The following PCDHA5 variants were observed in gnomAD, a reference collection of about 807,000 sequenced individuals.
PCDHA5 encodes the protein protocadherin alpha-5.
Under a neutral mutation model 61.6 loss-of-function variants are expected in PCDHA5, and 43 were observed. The observed-to-expected ratio is 0.70, with a 90% CI of 0.55 to 0.90. The LOEUF (loss-of-function observed/expected upper bound fraction) is 0.90, where lower values mean the gene tolerates loss of function less well. Ranked by LOEUF, PCDHA5 falls within the 40% of genes least tolerant of loss-of-function variation. The pLI is 0.00. For synonymous variants in PCDHA5, 627 were observed against 543.9 expected (o/e 1.15, Z -2.13); for missense variants, 1,298 against 1,222.7 (o/e 1.06, Z -0.92).
chr5:140,833,751 A>AAC (rs2150210782), intron 1 of PCDHA5, among the ~76,000 whole-genome samples: 78,872 of 151,236 alleles, frequency 0.52, 20,702 homozygotes, highest in Middle Eastern at 0.64. Flanking sequence ...CTAAAAAGAA[A>AAC]ACACACACAC....
chr5:140,876,837 C>G (rs782753877), intron 1 of PCDHA5: 3 of 1,614,148 alleles, frequency 1.9e-6, no homozygotes, highest in African/African-American at 1.3e-5. Context: ...CGCCTGCGTT[C>G]GCGCAGCCCG....
intron 1 of PCDHA5, chr5:140,825,399 ATTATATATT>A (rs1370061180): frequency 4.1e-5 from 6 of 145,886 alleles, no homozygotes; most frequent in African/African-American, 1.5e-4. Flanking sequence ...TATCTAATAT[ATTATATATT>A]TTATATAATA....
intron 1 of PCDHA5, among the ~76,000 whole-genome samples, chr5:140,945,397 A>G (rs2093784345): frequency 6.6e-6 from 1 of 152,132 alleles, no homozygotes; most frequent in Admixed American, 6.5e-5. Context: ...TACAAATTCA[A>G]TACAATTCGT....
chr5:140,968,312 C>A, intron 1 of PCDHA5: 2 of 1,613,960 alleles, frequency 1.2e-6, no homozygotes, highest in Non-Finnish European at 1.7e-6. Context: ...GATTCAAGGG[C>A]TGCCAGTCAC....
intron 1 of PCDHA5, chr5:140,829,932 C>T (rs2150178054): frequency 4.3e-6 from 7 of 1,613,980 alleles, no homozygotes; most frequent in East Asian, 4.5e-5. Context: ...CTGCAGCCCC[C>T]GGCAAGCAGC....
intron 1 of PCDHA5, chr5:140,857,725 C>T: frequency 6.3e-7 from 1 of 1,597,502 alleles, no homozygotes; most frequent in Non-Finnish European, 8.6e-7. Context: ...ACGAGAACGA[C>T]AACGCTCCCG....
chr5:141,009,315 C>G (rs1292643535), intron 3 of PCDHA5, among the ~76,000 whole-genome samples: 2 of 152,132 alleles, frequency 1.3e-5, no homozygotes, highest in Admixed American at 6.6e-5. Context: ...AAAAGCTAGC[C>G]TGGCATGGGA....
intron 1 of PCDHA5, among the ~76,000 whole-genome samples, chr5:140,933,223 A>G (rs1005553040): frequency 1.3e-5 from 2 of 152,018 alleles, no homozygotes; most frequent in African/African-American, 4.8e-5. Context: ...GTTATATTGC[A>G]TTTATGAAAA....
At chr5:141,004,698 T>C (rs2098177351) in intron 3 of PCDHA5, among the ~76,000 whole-genome samples, 1 of 152,222 alleles carries the variant, frequency 6.6e-6, no homozygotes, top group East Asian at 1.9e-4. Context: ...AACCCAGTTT[T>C]AGGTGCCGAA....
At position 140,848,680 on chromosome 5, in the gene PCDHA5, G is replaced by T. The variant is rs2150417098; in HGVS notation, c.2352+24553G>T. ...CTGGAGCTGGCGGAGCTGGTGCCGC[G>T]CCTGTTCCAGTTGGATTCCAAAGGC... On this transcript the variant is annotated intron_variant, in intron 1 of 3. Transcript: ENST00000529859. 4.4e-5 allele frequency: 70 copies of T among 1,592,250 alleles called. 5 individuals are homozygous for T. The highest frequency in any genetic ancestry group is 3.9e-4 in the Admixed American group (23 of 59,170).
In PCDHA5 at chr5:140,946,631, T is replaced by TATATATATATATATATATATAC. The variant is rs57893927; in HGVS notation, c.2353-32317_2353-32316insTATATATATATATATATATACA. 3.0e-3 allele frequency among the ~76,000 whole-genome samples: 389 copies of TATATATATATATATATATATAC among 131,774 alleles called. 27 individuals are homozygous for TATATATATATATATATATATAC. The highest frequency in any genetic ancestry group is 0.013 in the African/African-American group (369 of 28,648). 86.4% of individuals were successfully genotyped at this position (131,774 alleles called of 152,430 possible). A position where few individuals can be genotyped will look rare whatever the true frequency, so the allele number is the denominator to read the frequency against. ...TGTGAAATATATATATATATATATA[T>TATATATATATATATATATATAC]ACAATGGAATACTCATCAGCCATTA... On this transcript the variant is annotated intron_variant, in intron 1 of 3. Coordinates refer to ENST00000529859, the MANE Select transcript of PCDHA5 (RefSeq NM_018908.3).
At chr5:140,844,316 A>C (rs1554140608) in intron 1 of PCDHA5, among the ~76,000 whole-genome samples, 1 of 149,428 alleles carries the variant, frequency 6.7e-6, no homozygotes, top group Non-Finnish European at 1.5e-5. Flanking sequence ...ATTCTTCCTA[A>C]TTTTATTATA....
In PCDHA5 at chr5:140,969,225, C is replaced by T. The variant is rs782766938; in HGVS notation, c.2353-9724C>T. 22 of 1,614,118 alleles carry T rather than the reference C, an allele frequency of 1.4e-5. No homozygotes were observed. Among genetic ancestry groups the T allele is most frequent in the East Asian group, 1.3e-4 (6 of 44,872 alleles). Reference sequence around the variant, plus strand: ...GGGGCCCAGACAGGACCAGGGCCTTCGGGAGCCCAAGCAGCAGTGACTGAC... The same window carrying T: ...GGGGCCCAGACAGGACCAGGGCCTTTGGGAGCCCAAGCAGCAGTGACTGAC... On this transcript the variant is annotated intron_variant, in intron 1 of 3. Coordinates refer to ENST00000529859, the MANE Select transcript of PCDHA5 (RefSeq NM_018908.3).
intron 1 of PCDHA5, among the ~76,000 whole-genome samples, chr5:140,972,578 C>A (rs1554234223): frequency 6.6e-6 from 1 of 151,798 alleles, no homozygotes; most frequent in Non-Finnish European, 1.5e-5. Flanking sequence ...GGCAATAGGG[C>A]AGAATTTCTC....
intron 1 of PCDHA5, chr5:140,857,205 G>A: frequency 6.3e-7 from 1 of 1,598,596 alleles, no homozygotes; most frequent in African/African-American, 1.3e-5. Flanking sequence ...CAGGTCACCT[G>A]CTCTCTGACG....
chr5:140,882,174 CG>C, intron 1 of PCDHA5: 1 of 1,514,752 alleles, frequency 6.6e-7, no homozygotes, highest in South Asian at 1.4e-5. Flanking sequence ...CGAATCCTTC[CG>C]CACTAGGAAG....
rs945250298 is a variant in PCDHA5 at position 140,897,146 on chromosome 5, A to G, written c.2352+73019A>G. Among the ~76,000 whole-genome samples the G allele has an allele frequency of 5.3e-5, 8 of 152,258 alleles. No individual in the cohort carries two copies. In the East Asian group the frequency reaches 1.5e-3, roughly 29 times the overall value. On this transcript the variant is annotated intron_variant, in intron 1 of 3. Coordinates refer to ENST00000529859, the MANE Select transcript of PCDHA5 (RefSeq NM_018908.3). Reference sequence around the variant, plus strand: ...CCCACTAAACTTTCTAGCCTTTGTTAACCATTCTTCTACTGTCTATCTCCA... The same window carrying G: ...CCCACTAAACTTTCTAGCCTTTGTTGACCATTCTTCTACTGTCTATCTCCA...
At chr5:140,942,382 A>C (rs1341028342) in intron 1 of PCDHA5, among the ~76,000 whole-genome samples, 2 of 152,102 alleles carry the variant, frequency 1.3e-5, no homozygotes, top group African/African-American at 4.8e-5. Context: ...ACTGCATTCC[A>C]GCCTGGGCGA....
chr5:140,886,956 A>T (rs1007882657), intron 1 of PCDHA5, among the ~76,000 whole-genome samples: 1 of 152,090 alleles, frequency 6.6e-6, no homozygotes, highest in Non-Finnish European at 1.5e-5. Context: ...TTAGACATTT[A>T]GCAACGAAAT....
Sources: allele counts gnomAD v4.1 joint callset (sites outside exome capture counted in the v4.1 genomes callset), GRCh38; gene constraint gnomAD v4.1.1; transcripts MANE v1.5; gene names NCBI Gene and HGNC (gene_info 2026-07-23, HGNC 2026-07-21).